Variants in DPP10 observed in about 807,000 individuals in gnomAD.
DPP10 encodes inactive dipeptidyl peptidase 10.
In DPP10, 33 loss-of-function variants were observed where a neutral mutation model predicts 120.9. The observed-to-expected ratio is 0.27, with a 90% CI of 0.21 to 0.37. The LOEUF is 0.37. DPP10 is among the 10% of genes least tolerant of loss of function. DPP10 has a pLI of 1.00. For synonymous variants in DPP10, 337 were observed against 326.1 expected, an observed-to-expected ratio of 1.03 and a Z score of -0.36; for missense variants, 816 against 942.8, an observed-to-expected ratio of 0.87 and a Z score of 1.76.
At chr2:115,770,193 T>C (rs992732756) in intron 13 of DPP10, among the ~76,000 whole-genome samples, 4 of 152,098 alleles carry the variant, frequency 2.6e-5, no homozygotes, top group African/African-American at 7.2e-5. Flanking sequence ...TGTAAAAGTA[T>C]GGCGTTGGGT....
chr2:115,139,724 TAAAAAAAAAAAAAAAAAAA>T, intron 1 of DPP10, among the ~76,000 whole-genome samples: 1 of 56,636 alleles, frequency 1.8e-5, no homozygotes, highest in East Asian at 7.0e-4. Context: ...GTAAAAATAC[TAAAAAAAAAAAAAAAAAAA>T]AAAAAAAAAA....
At chr2:114,620,362 T>C (rs889255166) in intron 1 of DPP10, among the ~76,000 whole-genome samples, 2 of 151,948 alleles carry the variant, frequency 1.3e-5, no homozygotes, top group African/African-American at 2.4e-5. Context: ...GAGAAAGAAT[T>C]GAGGTGGCTG....
intron 1 of DPP10, among the ~76,000 whole-genome samples, chr2:115,258,042 A>G (rs2059084439): frequency 1.3e-5 from 2 of 152,186 alleles, no homozygotes; most frequent in South Asian, 2.1e-4. Flanking sequence ...TATTCCTTAA[A>G]TGGAAACAGC....
chr2:114,629,197 A>G (rs866747526), intron 1 of DPP10, among the ~76,000 whole-genome samples: 16 of 151,846 alleles, frequency 1.1e-4, no homozygotes, highest in African/African-American at 3.1e-4. Flanking sequence ...AATTGCTATC[A>G]TTAATTTTCC....
chr2:114,947,200 G>T (rs936196346), intron 1 of DPP10, among the ~76,000 whole-genome samples: 1 of 151,936 alleles, frequency 6.6e-6, no homozygotes, highest in Non-Finnish European at 1.5e-5. Flanking sequence ...AGGCTAATCA[G>T]CAACCTGCGT....
chr2:114,725,771 G>C (rs1182429069), intron 1 of DPP10, among the ~76,000 whole-genome samples: 2 of 152,214 alleles, frequency 1.3e-5, no homozygotes, highest in African/African-American at 4.8e-5. Context: ...AGGCTAGGAA[G>C]TATTGGAGAA....
At chr2:114,798,298 T>A (rs1205528741) in intron 1 of DPP10, among the ~76,000 whole-genome samples, 2 of 152,122 alleles carry the variant, frequency 1.3e-5, no homozygotes, top group Non-Finnish European at 2.9e-5. Flanking sequence ...TTTTGATAAA[T>A]GTGTCATGGT....
chr2:115,495,798 AACTG>A (rs1387780749), intron 3 of DPP10, among the ~76,000 whole-genome samples: 2 of 152,150 alleles, frequency 1.3e-5, no homozygotes, highest in African/African-American at 2.4e-5. Flanking sequence ...ATTTTAGGAA[AACTG>A]ACTGAGTCGA....
intron 1 of DPP10, among the ~76,000 whole-genome samples, chr2:114,469,874 C>T (rs1329825380): frequency 1.3e-5 from 2 of 152,124 alleles, no homozygotes; most frequent in Non-Finnish European, 2.9e-5. Context: ...GAGGCCCTTC[C>T]TGCCAAATGT....
At chr2:115,610,548 A>G (rs1184523920) in intron 5 of DPP10, among the ~76,000 whole-genome samples, 2 of 151,884 alleles carry the variant, frequency 1.3e-5, no homozygotes, top group Non-Finnish European at 2.9e-5. Flanking sequence ...AACGATTTGC[A>G]TTACAAACAT....
intron 1 of DPP10, among the ~76,000 whole-genome samples, chr2:115,124,745 GTC>G (rs1401101786): frequency 6.6e-6 from 1 of 152,164 alleles, no homozygotes; most frequent in African/African-American, 2.4e-5. Context: ...AATGGGAAAT[GTC>G]TGTTTGTTAA....
At chr2:115,093,461 T>C (rs1183442759) in intron 1 of DPP10, among the ~76,000 whole-genome samples, 2 of 152,172 alleles carry the variant, frequency 1.3e-5, no homozygotes, top group Non-Finnish European at 2.9e-5. Flanking sequence ...AGAAATTTTC[T>C]ATTTTTAATC....
Position 115,842,399 on chromosome 2 carries a change from C to G in DPP10, c.*54C>G. 6.4e-7 allele frequency: 1 copy of G among 1,569,406 alleles called. No individual in the cohort carries two copies. Among genetic ancestry groups the G allele is most frequent in the Non-Finnish European group, 8.7e-7 (1 of 1,152,932 alleles). ...AATATTGAGGCTCAATGAAACCTGA[C>G]AAAGAGACTGTAATATTGTAGTTGC... On this transcript the variant is annotated 3_prime_UTR_variant, in exon 26 of 26. Transcript: ENST00000410059.
rs568162909 is a variant in DPP10, at chr2:115,603,038, C to T, written c.441+77066C>T. ...TTGGTGCATTTGCCATTCTACCTGA[C>T]GTTCTACCTGACATGTTTAAGGGTC... On this transcript the variant is annotated intron_variant, in intron 5 of 25. Transcript: ENST00000410059. Among the ~76,000 whole-genome samples, 277 of 152,074 alleles carry T rather than the reference C, an allele frequency of 1.8e-3. 1 individual carries two copies. Among genetic ancestry groups the T allele is most frequent in the African/African-American group, 5.5e-3 (226 of 41,454 alleles).
chr2:114,769,380 C>T (rs905474395), intron 1 of DPP10, among the ~76,000 whole-genome samples: 1 of 152,068 alleles, frequency 6.6e-6, no homozygotes, highest in Non-Finnish European at 1.5e-5. Context: ...CAGAAGCCTC[C>T]GCAAGCTAGT....
chr2:115,520,449 T>C (rs1055819554), intron 4 of DPP10, among the ~76,000 whole-genome samples: 10 of 152,314 alleles, frequency 6.6e-5, no homozygotes, highest in African/African-American at 1.4e-4. Context: ...CATCATTCAC[T>C]ATCTGTTAAA....
At chr2:114,992,910 T>C (rs1185798390) in intron 1 of DPP10, among the ~76,000 whole-genome samples, 1 of 152,242 alleles carries the variant, frequency 6.6e-6, no homozygotes. Context: ...CCTGTTGTTC[T>C]TTCTCAACTA....
At chr2:114,579,490 G>A (rs1222715196) in intron 1 of DPP10, among the ~76,000 whole-genome samples, 1 of 152,190 alleles carries the variant, frequency 6.6e-6, no homozygotes, top group Non-Finnish European at 1.5e-5. Flanking sequence ...TCTAGATTCA[G>A]AGTTTAGAAA....
chr2:114,598,444 A>G (rs1692103138), intron 1 of DPP10, among the ~76,000 whole-genome samples: 1 of 151,894 alleles, frequency 6.6e-6, no homozygotes, highest in Non-Finnish European at 1.5e-5. Flanking sequence ...TGTGTCTAAG[A>G]TCATCTAGGC....
Sources: allele counts gnomAD v4.1 joint callset (sites outside exome capture counted in the v4.1 genomes callset), GRCh38; gene constraint gnomAD v4.1.1; transcripts MANE v1.5; gene names NCBI Gene and HGNC (gene_info 2026-07-23, HGNC 2026-07-21).